The following BFSP1 variants were observed in gnomAD, a reference collection of about 807,000 sequenced individuals.
BFSP1 encodes the protein beaded filament structural protein 1.
BFSP1 carries 38 observed loss-of-function variants against 43.9 expected under a neutral mutation model. The ratio of observed to expected loss-of-function variants is 0.87; its 90% CI spans 0.67 to 1.14. The LOEUF (loss-of-function observed/expected upper bound fraction) is 1.14, where lower values mean the gene tolerates loss of function less well. Ranked by LOEUF, BFSP1 falls within the 50% of genes most tolerant of loss-of-function variation. The probability of loss-of-function intolerance (pLI) is 0.00; values close to 1 mark genes in which losing one functional copy is unlikely to be tolerated. For missense variants in BFSP1, 850 were observed against 875.1 expected, an observed-to-expected ratio of 0.97 and a Z score of 0.36; for synonymous variants, 352 against 354.8, an observed-to-expected ratio of 0.99 and a Z score of 0.09.
intron 1 of BFSP1, chr20:17,558,555 C>T (rs1450565823): frequency 1.1e-6 from 1 of 947,398 alleles, no homozygotes; most frequent in East Asian, 2.7e-5. Flanking sequence ...TAGAAATTTC[C>T]ATGAGTCATA....
At chr20:17,546,000 C>G (rs1175076819) in intron 1 of BFSP1, among the ~76,000 whole-genome samples, 4 of 152,204 alleles carry the variant, frequency 2.6e-5, no homozygotes, top group African/African-American at 9.6e-5. Flanking sequence ...TTTCATCACA[C>G]TTTACCACTT....
intron 1 of BFSP1, among the ~76,000 whole-genome samples, chr20:17,548,180 C>CAAA (rs11470598): frequency 0.012 from 1,388 of 119,728 alleles, 15 homozygotes; most frequent in Middle Eastern, 0.02. Context: ...GAAAATAATG[C>CAAA]AAAAAAAAAA....
chr20:17,532,196 T>C (rs1024684535), upstream of BFSP1, among the ~76,000 whole-genome samples: 13 of 152,112 alleles, frequency 8.5e-5, no homozygotes, highest in Non-Finnish European at 1.9e-4. Context: ...GCGGATCACC[T>C]GAGTTCGAGG....
chr20:17,562,173 G>T (rs2122128983), upstream of BFSP1, among the ~76,000 whole-genome samples: 1 of 151,772 alleles, frequency 6.6e-6, no homozygotes, highest in South Asian at 2.1e-4. Flanking sequence ...GTCCGCCTCG[G>T]TCTCCCAAAG....
chr20:17,533,536 A>T (rs2034582320), upstream of BFSP1, among the ~76,000 whole-genome samples: 1 of 152,232 alleles, frequency 6.6e-6, no homozygotes, highest in African/African-American at 2.4e-5. Flanking sequence ...ACTAGCAATG[A>T]AAAAAGCACA....
At chr20:17,541,267 G>A (rs1310939614) in intron 1 of BFSP1, 1 of 982,462 alleles carries the variant, frequency 1.0e-6, no homozygotes, top group African/African-American at 1.7e-5. Context: ...GTTTTTGCAT[G>A]TTGGGAGGTT....
intron 4 of BFSP1, among the ~76,000 whole-genome samples, chr20:17,509,401 C>T (rs2034022776): frequency 6.6e-6 from 1 of 152,166 alleles, no homozygotes; most frequent in African/African-American, 2.4e-5. Flanking sequence ...GTCTGCCTGT[C>T]GGCCCTCCCA....
intron 1 of BFSP1, among the ~76,000 whole-genome samples, chr20:17,550,124 C>T (rs908212113): frequency 6.6e-6 from 1 of 152,162 alleles, no homozygotes; most frequent in Non-Finnish European, 1.5e-5. Context: ...TTATTTTTCT[C>T]TAATTGTTGC....
intron 6 of BFSP1, among the ~76,000 whole-genome samples, chr20:17,498,564 C>G (rs1451605589): frequency 6.6e-6 from 1 of 152,214 alleles, no homozygotes; most frequent in African/African-American, 2.4e-5. Context: ...GACCACCCTA[C>G]TTAAAACTGC....
At chr20:17,568,861 T>C (rs919649092) in intron 1 of BFSP1, among the ~76,000 whole-genome samples, 4 of 152,060 alleles carry the variant, frequency 2.6e-5, no homozygotes, top group African/African-American at 9.7e-5. Flanking sequence ...ATTAAAATAG[T>C]TTTGGTCGAG....
At chr20:17,528,812 G>A (rs918401169) in intron 1 of BFSP1, among the ~76,000 whole-genome samples, 1 of 152,122 alleles carries the variant, frequency 6.6e-6, no homozygotes, top group African/African-American at 2.4e-5. Context: ...AATGTGTTCA[G>A]AACACAACAA....
At position 17,511,432 on chromosome 20, in the gene BFSP1, A is replaced by G. The variant is rs191200624; in HGVS notation, c.627+544T>C. 1.3e-3 allele frequency among the ~76,000 whole-genome samples: 204 copies of G among 152,342 alleles called. 2 individuals are homozygous for G. Among genetic ancestry groups the G allele is most frequent in the Non-Finnish European group, 2.0e-3 (134 of 68,032 alleles). On this transcript the variant is annotated intron_variant, in intron 4 of 7. Coordinates refer to ENST00000377873, the MANE Select transcript of BFSP1 (RefSeq NM_001195.5). ...GATTGATAGGGAGAATAAGGAAACAAACCAATTTTTTAAATGGGCAAGAGG... is the reference window on the plus strand; with the variant it reads ...GATTGATAGGGAGAATAAGGAAACAGACCAATTTTTTAAATGGGCAAGAGG...
intron 1 of BFSP1, among the ~76,000 whole-genome samples, chr20:17,565,008 T>G (rs1192478176): frequency 6.6e-6 from 1 of 151,724 alleles, no homozygotes; most frequent in East Asian, 1.9e-4. Flanking sequence ...CTTGGCTCAC[T>G]GCAACCTCTG....
chr20:17,564,493 A>G (rs1484588218), intron 1 of BFSP1, among the ~76,000 whole-genome samples: 1 of 152,176 alleles, frequency 6.6e-6, no homozygotes, highest in Non-Finnish European at 1.5e-5. Flanking sequence ...CACGTAATAA[A>G]GCCTTAAGCC....
At chr20:17,555,314 A>G (rs2034973808) in intron 1 of BFSP1, among the ~76,000 whole-genome samples, 1 of 150,768 alleles carries the variant, frequency 6.6e-6, no homozygotes, top group Admixed American at 6.6e-5. Flanking sequence ...AAAAAAAAGA[A>G]TAGTACAAAG....
At chr20:17,535,356 C>T (rs1368465514), upstream of BFSP1, among the ~76,000 whole-genome samples, 1 of 152,096 alleles carries the variant, frequency 6.6e-6, no homozygotes, top group East Asian at 1.9e-4. Context: ...TGGTGAAACC[C>T]CATCTGTACT....
At chr20:17,547,630 G>A (rs1192676527) in intron 1 of BFSP1, among the ~76,000 whole-genome samples, 1 of 152,160 alleles carries the variant, frequency 6.6e-6, no homozygotes, top group East Asian at 1.9e-4. Context: ...AAATTGGATG[G>A]CATTTGGAAT....
At chr20:17,543,928 T>G (rs143447678) in intron 1 of BFSP1, among the ~76,000 whole-genome samples, 2 of 152,264 alleles carry the variant, frequency 1.3e-5, no homozygotes, top group African/African-American at 4.8e-5. Context: ...AAAGAGTTGT[T>G]GTGAGACTTA....
intron 5 of BFSP1, among the ~76,000 whole-genome samples, chr20:17,505,222 C>A (rs1025461952): frequency 6.6e-6 from 1 of 152,228 alleles, no homozygotes; most frequent in East Asian, 1.9e-4. Context: ...CAGCTTCCAG[C>A]TCCAAGCCCA....
Sources: allele counts gnomAD v4.1 joint callset (sites outside exome capture counted in the v4.1 genomes callset), GRCh38; gene constraint gnomAD v4.1.1; transcripts MANE v1.5; gene names NCBI Gene and HGNC (gene_info 2026-07-23, HGNC 2026-07-21).